RALGPS1: variants seen among roughly 807,000 people sequenced by gnomAD.
RALGPS1 encodes ras-specific guanine nucleotide-releasing factor RalGPS1.
RALGPS1 carries 19 observed loss-of-function variants against 78.8 expected under a neutral mutation model. The ratio of observed to expected loss-of-function variants is 0.24; its 90% confidence interval spans 0.17 to 0.35. The LOEUF (loss-of-function observed/expected upper bound fraction) is 0.35. Among genes scored for constraint, RALGPS1 ranks in the 10% least tolerant of loss-of-function variants. The pLI is 1.00. For synonymous variants in RALGPS1, 228 were observed against 256.3 expected, an observed-to-expected ratio of 0.89 and a Z score of 1.06; for missense variants, 454 against 688.3, an observed-to-expected ratio of 0.66 and a Z score of 3.81.
chr9:127,160,180 G>C (rs1361310347), intron 8 of RALGPS1, among the ~76,000 whole-genome samples: 1 of 152,214 alleles, frequency 6.6e-6, no homozygotes, highest in Non-Finnish European at 1.5e-5. Context: ...CAAGCGCCCA[G>C]CTTCAAGCAG....
At chr9:127,202,787 T>C (rs1244748234) in intron 14 of RALGPS1, among the ~76,000 whole-genome samples, 1 of 152,154 alleles carries the variant, frequency 6.6e-6, no homozygotes, top group Admixed American at 6.5e-5. Flanking sequence ...TCTCTGTGAC[T>C]CCACCTAGTG....
At chr9:127,165,971 A>G (rs2059270522) in intron 8 of RALGPS1, 98 bp from the exon 9 acceptor site, 1 of 1,428,428 alleles carries the variant, frequency 7.0e-7, no homozygotes, top group South Asian at 1.6e-5. Flanking sequence ...TCCATAAGTC[A>G]CCCTTTATAT....
chr9:127,085,092 T>C (rs889262781), intron 8 of RALGPS1, among the ~76,000 whole-genome samples: 21 of 152,182 alleles, frequency 1.4e-4, no homozygotes, highest in Non-Finnish European at 2.8e-4. Flanking sequence ...CTTGCTCAAA[T>C]TGGCAAGATT....
At chr9:126,941,134 C>CCT (rs2036742741) in intron 1 of RALGPS1, among the ~76,000 whole-genome samples, 1 of 151,382 alleles carries the variant, frequency 6.6e-6, no homozygotes, top group Non-Finnish European at 1.5e-5. Context: ...ATATACGCCC[C>CCT]CCCCCTTTAA....
chr9:127,194,973 G>C, intron 11 of RALGPS1, 118 bp from the exon 12 acceptor site: 1 of 1,256,880 alleles, frequency 8.0e-7, no homozygotes, highest in Non-Finnish European at 1.1e-6. Flanking sequence ...ACCTGTGACA[G>C]CTGGGCCAGT....
chr9:127,072,207 G>A (rs7030828), intron 8 of RALGPS1, among the ~76,000 whole-genome samples: 3,417 of 152,192 alleles, frequency 0.022, 131 homozygotes, highest in African/African-American at 0.078. Flanking sequence ...GATGCACCAC[G>A]TTTAATTTAT....
chr9:127,019,438 C>T lies in RALGPS1; in HGVS notation c.217-14993C>T, dbSNP rs552562861. 2.3e-4 allele frequency among the ~76,000 whole-genome samples: 35 copies of T among 152,212 alleles called. No homozygotes were observed. The East Asian group carries it at 4.6e-3, about 20-fold the overall frequency. The stretch of plus-strand genomic sequence containing the variant: ...TGCTTCCCGGGTTCATGCCATTCTC[C>T]TTCCTCAGCCTCCCGAGTAGCTGTG... On this transcript the variant is annotated intron_variant, in intron 4 of 18. Coordinates refer to ENST00000259351, the MANE Select transcript of RALGPS1 (RefSeq NM_014636.3).
intron 8 of RALGPS1, among the ~76,000 whole-genome samples, chr9:127,096,727 A>G (rs1286598380): frequency 6.6e-6 from 1 of 152,170 alleles, no homozygotes; most frequent in Non-Finnish European, 1.5e-5. Flanking sequence ...AAATGCACAG[A>G]CTCACACAAT....
chr9:126,941,934 C>T (rs2036831312), intron 1 of RALGPS1, among the ~76,000 whole-genome samples: 1 of 152,158 alleles, frequency 6.6e-6, no homozygotes, highest in Admixed American at 6.5e-5. Flanking sequence ...TTGATGATTT[C>T]CTTGCTTTGT....
chr9:127,168,775 A>T lies in RALGPS1; in HGVS notation c.842+3A>T. 1 of 1,599,536 alleles carries T rather than the reference A, an allele frequency of 6.3e-7. No homozygotes were observed. On this transcript the variant is annotated splice_donor_region_variant and intron_variant, in intron 10 of 18. Coordinates refer to ENST00000259351, the MANE Select transcript of RALGPS1 (RefSeq NM_014636.3). ...TTTGTGGAAGACGACAACTACAAGT[A>T]AGTCCCCACGTATTCCTGTGTCAGG...
At chr9:126,921,162 A>G (rs621521) in intron 1 of RALGPS1, among the ~76,000 whole-genome samples, 89,101 of 152,114 alleles carry the variant, frequency 0.59, 30,175 homozygotes, top group East Asian at 0.81. Flanking sequence ...GTTTCTCAGG[A>G]TCCTAGTGAT....
intron 12 of RALGPS1, among the ~76,000 whole-genome samples, chr9:127,195,940 T>G (rs967476343): frequency 6.6e-6 from 1 of 152,204 alleles, no homozygotes; most frequent in Non-Finnish European, 1.5e-5. Flanking sequence ...TCTTTGAGTG[T>G]TAAGCAGCCC....
At chr9:127,116,308 A>T (rs2055413764) in intron 8 of RALGPS1, among the ~76,000 whole-genome samples, 1 of 151,322 alleles carries the variant, frequency 6.6e-6, no homozygotes. Flanking sequence ...TCACACCATG[A>T]GATCATAGGG....
At position 127,026,306 on chromosome 9, in the gene RALGPS1, A is replaced by C. The variant is rs56064518; in HGVS notation, c.217-8125A>C. ...ATTCTAGCCGCATTGGCAGCTGATT[A>C]GATAGTGCCCACCCAGATTAAGGGT... On this transcript the variant is annotated intron_variant, in intron 4 of 18. Coordinates refer to ENST00000259351, the MANE Select transcript of RALGPS1 (RefSeq NM_014636.3). 3.7e-3 allele frequency among the ~76,000 whole-genome samples: 563 copies of C among 152,318 alleles called. 2 individuals are homozygous for C. The highest frequency in any genetic ancestry group is 6.1e-3 in the Non-Finnish European group (413 of 68,022).
intron 4 of RALGPS1, among the ~76,000 whole-genome samples, chr9:126,998,197 G>T (rs2042953780): frequency 6.6e-6 from 1 of 152,122 alleles, no homozygotes; most frequent in Non-Finnish European, 1.5e-5. Flanking sequence ...AAGAGCTTCT[G>T]CACAGCAAAA....
At chr9:127,000,299 G>C (rs772828796) in intron 4 of RALGPS1, among the ~76,000 whole-genome samples, 5 of 151,926 alleles carry the variant, frequency 3.3e-5, no homozygotes, top group African/African-American at 1.2e-4. Context: ...TGATTTGAGC[G>C]CTTTCTTCAT....
chr9:127,066,452 C>T (rs1241342023), intron 7 of RALGPS1, among the ~76,000 whole-genome samples: 1 of 152,154 alleles, frequency 6.6e-6, no homozygotes, highest in African/African-American at 2.4e-5. Context: ...ACTGGACTGG[C>T]CAACATGGTG....
intron 8 of RALGPS1, among the ~76,000 whole-genome samples, chr9:127,075,367 G>T (rs1260827484): frequency 6.6e-6 from 1 of 152,228 alleles, no homozygotes; most frequent in Non-Finnish European, 1.5e-5. Context: ...TAGTGTATGA[G>T]GGTTTACCAT....
chr9:127,042,867 T>C (rs1409197341), intron 5 of RALGPS1, among the ~76,000 whole-genome samples: 1 of 152,176 alleles, frequency 6.6e-6, no homozygotes, highest in Non-Finnish European at 1.5e-5. Context: ...TGATTTCCTC[T>C]AGACCAGCAA....
Sources: gnomAD v4.1 joint callset for allele counts (sites outside exome capture counted in the v4.1 genomes callset) on GRCh38, gnomAD v4.1.1 for gene constraint, MANE v1.5 for transcripts, NCBI Gene and HGNC (gene_info 2026-07-23, HGNC 2026-07-21) for gene names.